The following BTG4 variants were observed in gnomAD, a reference collection of about 807,000 sequenced individuals.
BTG4 encodes protein BTG4.
BTG4 carries 10 observed loss-of-function variants against 19.3 expected under a neutral mutation model. That is an observed-to-expected ratio of 0.52 (90% confidence interval 0.32 to 0.88). BTG4 has a LOEUF of 0.88. Ranked by LOEUF, BTG4 falls within the 40% of genes least tolerant of loss-of-function variation. The pLI, the probability that BTG4 is intolerant of heterozygous loss-of-function variation, is 0.04. For missense variants in BTG4, 238 were observed against 281.9 expected (o/e 0.84, Z 1.11); for synonymous variants, 91 against 95.7 (o/e 0.95, Z 0.29).
At chr11:111,426,162 A>C in the BTG4 span, among the ~76,000 whole-genome samples, 1 of 152,170 alleles carries the variant, frequency 6.6e-6, no homozygotes, top group Non-Finnish European at 1.5e-5. Flanking sequence ...TGATGAGTTC[A>C]TGTGGGGTAT....
At chr11:111,502,917 G>T (rs969161915) in intron 1 of BTG4, among the ~76,000 whole-genome samples, 1 of 152,106 alleles carries the variant, frequency 6.6e-6, no homozygotes, top group Non-Finnish European at 1.5e-5. Context: ...ATCATGCAAG[G>T]TTTCCTTCCG....
chr11:111,503,618 A>G (rs1284692565), intron 1 of BTG4, among the ~76,000 whole-genome samples: 1 of 152,178 alleles, frequency 6.6e-6, no homozygotes, highest in African/African-American at 2.4e-5. Context: ...GCGAAGAACC[A>G]CAGAAAACAA....
At chr11:111,384,316 T>TA in the BTG4 span, among the ~76,000 whole-genome samples, 1,237 of 146,878 alleles carry the variant, frequency 8.4e-3, 21 homozygotes, top group African/African-American at 0.027. Flanking sequence ...TTCCTAAAAT[T>TA]AAAAAAAAAA....
chr11:111,496,627 T>C (rs1865748964), intron 4 of BTG4: 1 of 152,216 alleles, frequency 6.6e-6, no homozygotes, highest in South Asian at 2.1e-4. Context: ...GTTTTTCAAA[T>C]TGTGGGTCAT....
At chr11:111,394,250 T>C in the BTG4 span, among the ~76,000 whole-genome samples, 1 of 152,244 alleles carries the variant, frequency 6.6e-6, no homozygotes, top group Non-Finnish European at 1.5e-5. Context: ...TTGAAGTTCC[T>C]GCCCTTTCCA....
chr11:111,436,826 C>T, the BTG4 span, among the ~76,000 whole-genome samples: 96 of 152,190 alleles, frequency 6.3e-4, no homozygotes, highest in East Asian at 0.017. Flanking sequence ...CGCCCTCGAG[C>T]GAGCGCCGTT....
chr11:111,407,298 T>C, the BTG4 span, among the ~76,000 whole-genome samples: 1 of 151,512 alleles, frequency 6.6e-6, no homozygotes, highest in African/African-American at 2.4e-5. Flanking sequence ...GATTAGATAT[T>C]AATACAAAGT....
the BTG4 span, among the ~76,000 whole-genome samples, chr11:111,413,172 T>C: frequency 5.9e-5 from 9 of 152,206 alleles, no homozygotes; most frequent in African/African-American, 1.7e-4. Context: ...AGAGTCAGCG[T>C]AAACCATCAA....
chr11:111,481,805 G>T (rs1441639300), intron 5 of BTG4, among the ~76,000 whole-genome samples: 2 of 151,754 alleles, frequency 1.3e-5, no homozygotes, highest in East Asian at 3.9e-4. Flanking sequence ...CAAAAAATGG[G>T]ACTAGAAGGG....
At chr11:111,415,753 A>G in the BTG4 span, among the ~76,000 whole-genome samples, 1 of 152,148 alleles carries the variant, frequency 6.6e-6, no homozygotes, top group Non-Finnish European at 1.5e-5. Flanking sequence ...TTAGAAATAC[A>G]GTGGAGGTCA....
At chr11:111,442,037 T>A in the BTG4 span, among the ~76,000 whole-genome samples, 1 of 151,656 alleles carries the variant, frequency 6.6e-6, no homozygotes, top group Non-Finnish European at 1.5e-5. Context: ...CCAGCCTGGG[T>A]GACAGAGCAA....
chr11:111,431,871 G>T, the BTG4 span, among the ~76,000 whole-genome samples: 1,731 of 152,320 alleles, frequency 0.011, 25 homozygotes, highest in African/African-American at 0.038. Context: ...CCTCCAGAAT[G>T]AAAGTAGTAG....
chr11:111,391,926 C>T, the BTG4 span, among the ~76,000 whole-genome samples: 1 of 152,090 alleles, frequency 6.6e-6, no homozygotes, highest in Non-Finnish European at 1.5e-5. Flanking sequence ...AGCCACCTGG[C>T]TCTCATTGCG....
intron 5 of BTG4, among the ~76,000 whole-genome samples, chr11:111,474,403 G>T (rs987699320): frequency 1.3e-5 from 2 of 152,016 alleles, no homozygotes; most frequent in South Asian, 4.1e-4. Context: ...AATAGTTTTC[G>T]CTTATTCATG....
At chr11:111,474,192 A>T (rs1464755709) in intron 5 of BTG4, among the ~76,000 whole-genome samples, 1 of 152,158 alleles carries the variant, frequency 6.6e-6, no homozygotes, top group African/African-American at 2.4e-5. Context: ...GAAAACTTTT[A>T]AACCTTTATT....
chr11:111,498,189 G>C, intron 2 of BTG4, 54 bp from the exon 3 acceptor site: 1 of 1,593,582 alleles, frequency 6.3e-7, no homozygotes, highest in East Asian at 2.2e-5. Flanking sequence ...TTTAGCAGGA[G>C]AATCACATTA....
chr11:111,397,648 C>T, the BTG4 span: 1 of 152,206 alleles, frequency 6.6e-6, no homozygotes, highest in Non-Finnish European at 1.5e-5. Context: ...TCTGTGTCTC[C>T]TCTTTAAGCG....
At chr11:111,447,289 G>T in the BTG4 span, among the ~76,000 whole-genome samples, 1 of 152,214 alleles carries the variant, frequency 6.6e-6, no homozygotes, top group Admixed American at 6.5e-5. Flanking sequence ...AAGAGCACTT[G>T]ACTGGTTGCC....
the BTG4 span, among the ~76,000 whole-genome samples, chr11:111,391,764 G>A: frequency 6.6e-6 from 1 of 152,174 alleles, no homozygotes; most frequent in Non-Finnish European, 1.5e-5. Flanking sequence ...CGGGGTCATA[G>A]TCACGCTTCT....
Sources: gnomAD v4.1 joint callset for allele counts (sites outside exome capture counted in the v4.1 genomes callset) on GRCh38, gnomAD v4.1.1 for gene constraint, MANE v1.5 for transcripts, NCBI Gene and HGNC (gene_info 2026-07-23, HGNC 2026-07-21) for gene names.